The following ST6GALNAC5 variants were observed in gnomAD, a reference collection of about 807,000 sequenced individuals.
ST6GALNAC5 encodes alpha-N-acetylgalactosaminide alpha-2,6-sialyltransferase 5.
Under a neutral mutation model 33.6 loss-of-function variants are expected in ST6GALNAC5, and 27 were observed. That is an observed-to-expected ratio of 0.80 (90% CI 0.59 to 1.11). ST6GALNAC5 has a LOEUF of 1.11. Among genes scored for constraint, ST6GALNAC5 ranks in the 50% least tolerant of loss-of-function variants. The pLI is 0.00. For missense variants in ST6GALNAC5, 428 were observed against 454.0 expected (o/e 0.94, Z 0.52); for synonymous variants, 194 against 171.2 (o/e 1.13, Z -1.04).
chr1:77,006,073 C>T (rs1235004212), intron 2 of ST6GALNAC5, among the ~76,000 whole-genome samples: 1 of 152,092 alleles, frequency 6.6e-6, no homozygotes, highest in Non-Finnish European at 1.5e-5. Flanking sequence ...AAGTGAATTG[C>T]TGGATGATAT....
chr1:76,990,571 G>A lies in ST6GALNAC5; in HGVS notation c.262-53633G>A, dbSNP rs1395107290. On this transcript the variant is annotated intron_variant, in intron 2 of 4. Coordinates refer to ENST00000477717, the MANE Select transcript of ST6GALNAC5 (RefSeq NM_030965.3). ...CTGGCTCCAAGGCTCTGTGCAGTCA[G>A]CCAGGCTATGAAAGAAGGCAGCCTG... Among the ~76,000 whole-genome samples the A allele has an allele frequency of 2.0e-5, 3 of 152,096 alleles. No homozygotes were observed. In the South Asian group the frequency reaches 6.2e-4, roughly 31 times the overall value.
rs542412640 is a variant in ST6GALNAC5 at position 77,065,666 on chromosome 1, G to A, written c.*2460G>A. ...TTCCCACTACCATTTCATGACTGTC[G>A]TCTGAACACTATTCAACACCATTAA... On this transcript the variant is annotated 3_prime_UTR_variant, in exon 5 of 5. Coordinates refer to ENST00000477717, the MANE Select transcript of ST6GALNAC5 (RefSeq NM_030965.3). 2.6e-5 allele frequency: 4 copies of A among 152,230 alleles called. No individual in the cohort carries two copies. The highest frequency in any genetic ancestry group is 2.1e-4 in the South Asian group (1 of 4,824). The allele number at this position is 152,230 out of a possible 1,614,324, so 9.4% of individuals were successfully genotyped here. A position where few individuals can be genotyped will look rare whatever the true frequency, so the allele number is the denominator to read the frequency against.
chr1:77,062,975 G>C lies in ST6GALNAC5; in HGVS notation c.780G>C (p.Arg260Ser). The C allele has an allele frequency of 6.2e-7, 1 of 1,610,802 alleles. No homozygotes were observed. Among genetic ancestry groups the C allele is most frequent in the Non-Finnish European group, 8.5e-7 (1 of 1,177,570 alleles). ...CAGTTATCTCAATTTCCTCCTACAG[G>C]GATCCCAATCACCCTTCAGTACCTT... The part of the protein sequence containing the change: ...VYGMVPPDFC[R>S]DPNHPSVPYH... Residue 260 changes from arginine to serine, a missense_variant and splice_region_variant, in exon 5 of 5, where the codon AGG becomes AGC. By Grantham distance (110) the Arg-to-Ser change is moderately radical. Coordinates refer to ENST00000477717, the MANE Select transcript of ST6GALNAC5 (RefSeq NM_030965.3).
chr1:76,903,589 T>C (rs1646837858), intron 2 of ST6GALNAC5, among the ~76,000 whole-genome samples: 1 of 152,176 alleles, frequency 6.6e-6, no homozygotes, highest in Non-Finnish European at 1.5e-5. Context: ...ACAAAGGCAT[T>C]ATTCATAACA....
chr1:76,963,284 C>T lies in ST6GALNAC5; in HGVS notation c.262-80920C>T, dbSNP rs17099778. On this transcript the variant is annotated intron_variant, in intron 2 of 4. Transcript: ENST00000477717. ...AATCAAATTTAACATGACCAGCCCACGCTTTATTGATAATAGACTAAGATC... is the reference window on the plus strand; with the variant it reads ...AATCAAATTTAACATGACCAGCCCATGCTTTATTGATAATAGACTAAGATC... Among the ~76,000 whole-genome samples, 672 of 152,288 alleles carry T rather than the reference C, an allele frequency of 4.4e-3. 5 individuals carry two copies. The highest frequency in any genetic ancestry group is 0.016 in the African/African-American group (652 of 41,560).
At chr1:76,871,655 G>T (rs1439597297) in intron 2 of ST6GALNAC5, among the ~76,000 whole-genome samples, 5 of 152,178 alleles carry the variant, frequency 3.3e-5, no homozygotes, top group Non-Finnish European at 7.4e-5. Context: ...TATGCTGCAA[G>T]TCAAGTCAGT....
chr1:76,988,902 C>G (rs557908297), intron 2 of ST6GALNAC5, among the ~76,000 whole-genome samples: 1 of 152,042 alleles, frequency 6.6e-6, no homozygotes, highest in African/African-American at 2.4e-5. Context: ...AGTTTTTGAA[C>G]TCTTATTAAA....
At chr1:76,886,737 A>G (rs1653904781) in intron 2 of ST6GALNAC5, among the ~76,000 whole-genome samples, 1 of 152,132 alleles carries the variant, frequency 6.6e-6, no homozygotes, top group African/African-American at 2.4e-5. Flanking sequence ...GGTAACTTCA[A>G]TTCTACTTTC....
intron 2 of ST6GALNAC5, among the ~76,000 whole-genome samples, chr1:76,963,614 G>T (rs868423737): frequency 6.6e-6 from 1 of 152,180 alleles, no homozygotes; most frequent in African/African-American, 2.4e-5. Flanking sequence ...AGGTGGAGCT[G>T]CCAGAAGCAC....
intron 2 of ST6GALNAC5, 140 bp from the exon 3 acceptor site, chr1:77,044,064 C>A: frequency 8.3e-6 from 8 of 958,648 alleles, no homozygotes; most frequent in Non-Finnish European, 1.2e-5. Context: ...AAAGTAATAG[C>A]AGAAGGGATA....
chr1:77,030,247 C>A (rs1315375837), intron 2 of ST6GALNAC5, among the ~76,000 whole-genome samples: 1 of 152,140 alleles, frequency 6.6e-6, no homozygotes, highest in Non-Finnish European at 1.5e-5. Flanking sequence ...TTTTGTTTTG[C>A]ATATTATGGT....
rs559350126 is a variant in ST6GALNAC5 at position 76,913,210 on chromosome 1, T to G, written c.261+44468T>G. Among the ~76,000 whole-genome samples the G allele has an allele frequency of 6.4e-3, 969 of 151,774 alleles. 5 individuals are homozygous for G. Among genetic ancestry groups the G allele is most frequent in the Non-Finnish European group, 8.0e-3 (541 of 67,960 alleles). The stretch of plus-strand genomic sequence containing the variant: ...TTTGGCTGGATATGAAATTCTGGGT[T>G]GAAAATTCTTTTCTTTAAGAATGTT... On this transcript the variant is annotated intron_variant, in intron 2 of 4. Transcript: ENST00000477717.
At position 77,065,570 on chromosome 1, in the gene ST6GALNAC5, G is replaced by A. The variant is rs556787513; in HGVS notation, c.*2364G>A. 9 of 152,296 alleles carry A rather than the reference G, an allele frequency of 5.9e-5. No homozygotes were observed. The highest frequency in any genetic ancestry group is 4.1e-4 in the South Asian group (2 of 4,824). 9.4% of individuals were successfully genotyped at this position (152,296 alleles called of 1,614,324 possible). On this transcript the variant is annotated 3_prime_UTR_variant, in exon 5 of 5. Transcript: ENST00000477717. ...ACTTGCAAAGTGGTTTTATTACAGC[G>A]TTAAAGAAAATGACTAGAATTCTGA...
At chr1:77,014,997 G>A (rs140357457) in intron 2 of ST6GALNAC5, among the ~76,000 whole-genome samples, 112 of 151,444 alleles carry the variant, frequency 7.4e-4, no homozygotes, top group African/African-American at 2.6e-3. Context: ...GAGCTTACTC[G>A]GTATTAGTCG....
intron 2 of ST6GALNAC5, among the ~76,000 whole-genome samples, chr1:76,966,780 C>G (rs1173186202): frequency 6.6e-6 from 1 of 152,118 alleles, no homozygotes; most frequent in South Asian, 2.1e-4. Flanking sequence ...CCATCAATAC[C>G]TAGTTTATTG....
intron 2 of ST6GALNAC5, among the ~76,000 whole-genome samples, chr1:76,895,742 G>A (rs996594580): frequency 3.5e-4 from 53 of 152,210 alleles, no homozygotes; most frequent in African/African-American, 1.3e-3. Flanking sequence ...ATGAGTAGTT[G>A]AGAACGGTGA....
intron 2 of ST6GALNAC5, among the ~76,000 whole-genome samples, chr1:76,914,511 C>G (rs962356620): frequency 6.6e-6 from 1 of 152,002 alleles, no homozygotes; most frequent in Non-Finnish European, 1.5e-5. Context: ...CAATGGAACA[C>G]AACAGAGCCC....
chr1:76,870,192 A>T (rs1653466893), intron 2 of ST6GALNAC5, among the ~76,000 whole-genome samples: 1 of 152,234 alleles, frequency 6.6e-6, no homozygotes, highest in African/African-American at 2.4e-5. Context: ...TTGATTGATT[A>T]CATGCTTTGT....
At chr1:76,867,938 G>T (rs551136156) in intron 1 of ST6GALNAC5, among the ~76,000 whole-genome samples, 1 of 152,320 alleles carries the variant, frequency 6.6e-6, no homozygotes. Flanking sequence ...AGGTCCGAGG[G>T]GGTGGCGGAG....
Sources: allele counts gnomAD v4.1 joint callset (sites outside exome capture counted in the v4.1 genomes callset), GRCh38; gene constraint gnomAD v4.1.1; transcripts MANE v1.5; gene names NCBI Gene and HGNC (gene_info 2026-07-23, HGNC 2026-07-21).